The following CA10 variants were observed in gnomAD, a reference collection of about 807,000 sequenced individuals.
CA10 encodes carbonic anhydrase-related protein 10.
CA10 carries 14 observed loss-of-function variants against 44.2 expected under a neutral mutation model. That is an observed-to-expected ratio of 0.32 (90% CI 0.21 to 0.50). The LOEUF (loss-of-function observed/expected upper bound fraction) is 0.50. Ranked by LOEUF, CA10 falls within the 20% of genes least tolerant of loss-of-function variation. The probability of loss-of-function intolerance (pLI) is 0.99; values close to 1 mark genes in which losing one functional copy is unlikely to be tolerated. For missense variants in CA10, 350 were observed against 409.7 expected, an observed-to-expected ratio of 0.85 and a Z score of 1.26; for synonymous variants, 159 against 141.6, an observed-to-expected ratio of 1.12 and a Z score of -0.87.
chr17:51,755,287 G>A lies in CA10; in HGVS notation c.280-7469C>T, dbSNP rs564066103. ...AACTCATATTTTGAGATAACAAAGAGGAAGAGGTATATCTTTTTATAAAGA... is the reference window on the plus strand; with the variant it reads ...AACTCATATTTTGAGATAACAAAGAAGAAGAGGTATATCTTTTTATAAAGA... On this transcript the variant is annotated intron_variant, in intron 3 of 8. Coordinates refer to ENST00000451037, the MANE Select transcript of CA10 (RefSeq NM_020178.5). 8.5e-5 allele frequency among the ~76,000 whole-genome samples: 13 copies of A among 152,326 alleles called. 1 individual carries two copies. In the South Asian group the frequency reaches 2.7e-3, roughly 32 times the overall value.
At chr17:52,019,918 A>G (rs1450518585) in intron 2 of CA10, among the ~76,000 whole-genome samples, 2 of 151,808 alleles carry the variant, frequency 1.3e-5, no homozygotes, top group Non-Finnish European at 2.9e-5. Flanking sequence ...ATACATATAT[A>G]TATGTATATG....
At chr17:51,644,270 G>T (rs887412775) in intron 6 of CA10, among the ~76,000 whole-genome samples, 3 of 151,388 alleles carry the variant, frequency 2.0e-5, no homozygotes, top group Admixed American at 2.0e-4. Context: ...ATTTCACCCC[G>T]CTGCCTCCAT....
rs1598053052 is a variant in CA10, at chr17:51,803,941, G to A, written c.280-56123C>T. On this transcript the variant is annotated intron_variant, in intron 3 of 8. Transcript: ENST00000451037. ...GTAGTAGTTAAGTGCATAGGCCCAG[G>A]AGCTGAGCTATTTGGTTCATGGTAT... Among the ~76,000 whole-genome samples the A allele has an allele frequency of 2.0e-5, 3 of 152,268 alleles. No homozygotes were observed. In the South Asian group the frequency reaches 6.2e-4, roughly 32 times the overall value.
chr17:51,729,985 G>A (rs1210199020), intron 4 of CA10, among the ~76,000 whole-genome samples: 1 of 152,174 alleles, frequency 6.6e-6, no homozygotes, highest in East Asian at 1.9e-4. Context: ...ACTGAGGCAG[G>A]GAGTGGTAAA....
intron 3 of CA10, among the ~76,000 whole-genome samples, chr17:51,770,078 C>G (rs1017670107): frequency 9.3e-5 from 14 of 150,860 alleles, no homozygotes; most frequent in African/African-American, 3.2e-4. Flanking sequence ...CTCTGTTGCT[C>G]TTTTATAGGA....
chr17:51,886,079 A>G (rs1011775184), intron 3 of CA10, among the ~76,000 whole-genome samples: 1 of 152,212 alleles, frequency 6.6e-6, no homozygotes, highest in Non-Finnish European at 1.5e-5. Context: ...TCAGGAGGAC[A>G]AAAAACTGGA....
chr17:52,057,761 A>G (rs1987270496), intron 2 of CA10, among the ~76,000 whole-genome samples: 1 of 152,126 alleles, frequency 6.6e-6, no homozygotes, highest in Admixed American at 6.6e-5. Flanking sequence ...GCACCTGGGG[A>G]TAATAAAAAG....
rs1567854687 is a variant in CA10 at position 51,831,733 on chromosome 17, A to AGCAGCAGCAGCAGCAGCAGCAGCAGC, written c.280-83916_280-83915insGCTGCTGCTGCTGCTGCTGCTGCTGC. Among the ~76,000 whole-genome samples, 56 of 121,564 alleles carry AGCAGCAGCAGCAGCAGCAGCAGCAGC rather than the reference A, an allele frequency of 4.6e-4. 7 individuals are homozygous for AGCAGCAGCAGCAGCAGCAGCAGCAGC. Among genetic ancestry groups the AGCAGCAGCAGCAGCAGCAGCAGCAGC allele is most frequent in the South Asian group, 1.3e-3 (5 of 3,936 alleles). The allele number at this position is 121,564 out of a possible 152,430, so 79.8% of individuals were successfully genotyped here. On this transcript the variant is annotated intron_variant, in intron 3 of 8. Coordinates refer to ENST00000451037, the MANE Select transcript of CA10 (RefSeq NM_020178.5). ...GCAGCAGCAGCAGCAGCAGCAGCAG[A>AGCAGCAGCAGCAGCAGCAGCAGCAGC]AAAAGACCTTCCTTCCACCTTATTT...
chr17:51,978,905 T>C (rs75803515), intron 2 of CA10, among the ~76,000 whole-genome samples: 1,846 of 152,196 alleles, frequency 0.012, 29 homozygotes, highest in African/African-American at 0.042. Flanking sequence ...TTCCTTTCCA[T>C]AGTAACTCAG....
chr17:52,006,809 G>T (rs114746496), intron 2 of CA10, among the ~76,000 whole-genome samples: 267 of 151,684 alleles, frequency 1.8e-3, no homozygotes, highest in African/African-American at 6.1e-3. Context: ...GTGATTCTTG[G>T]ACCCTCTTGG....
chr17:51,803,218 C>T (rs1907004022), intron 3 of CA10, among the ~76,000 whole-genome samples: 1 of 152,142 alleles, frequency 6.6e-6, no homozygotes, highest in Non-Finnish European at 1.5e-5. Flanking sequence ...GGGTTTCTGC[C>T]TTGAGAAGCT....
At chr17:51,883,372 C>T (rs916074898) in intron 3 of CA10, among the ~76,000 whole-genome samples, 1 of 152,106 alleles carries the variant, frequency 6.6e-6, no homozygotes, top group African/African-American at 2.4e-5. Context: ...GCTTTTATTA[C>T]TCCATTTCTT....
intron 3 of CA10, among the ~76,000 whole-genome samples, chr17:51,901,902 G>A (rs954837121): frequency 3.1e-4 from 47 of 152,138 alleles, no homozygotes; most frequent in African/African-American, 1.1e-3. Context: ...GTTACCAAGA[G>A]TTTAAAATAA....
intron 3 of CA10, among the ~76,000 whole-genome samples, chr17:51,898,982 G>C (rs753152875): frequency 1.3e-5 from 2 of 150,980 alleles, no homozygotes; most frequent in Non-Finnish European, 3.0e-5. Flanking sequence ...AATCTTATTT[G>C]TTCTTTCAAA....
intron 3 of CA10, among the ~76,000 whole-genome samples, chr17:51,885,550 C>A (rs555788014): frequency 1.3e-5 from 2 of 152,334 alleles, no homozygotes; most frequent in Non-Finnish European, 2.9e-5. Flanking sequence ...CTAAGACCAG[C>A]TCAGTTCTCA....
At chr17:52,029,816 T>C (rs764587667) in intron 2 of CA10, among the ~76,000 whole-genome samples, 35 of 151,944 alleles carry the variant, frequency 2.3e-4, no homozygotes, top group Non-Finnish European at 3.7e-4. Flanking sequence ...TCCTTAGCCA[T>C]ATGTTTCATT....
chr17:51,797,435 G>A (rs762714644), intron 3 of CA10, among the ~76,000 whole-genome samples: 5 of 152,080 alleles, frequency 3.3e-5, no homozygotes, highest in South Asian at 2.1e-4. Flanking sequence ...GAATCCAGTC[G>A]TTCTTAAACT....
chr17:51,894,266 A>G (rs1377243957), intron 3 of CA10, among the ~76,000 whole-genome samples: 1 of 152,134 alleles, frequency 6.6e-6, no homozygotes, highest in Admixed American at 6.6e-5. Context: ...GACCTGAAAG[A>G]GCTGTCCCGT....
intron 3 of CA10, among the ~76,000 whole-genome samples, chr17:51,896,845 G>A (rs1981090435): frequency 6.6e-6 from 1 of 152,092 alleles, no homozygotes; most frequent in Non-Finnish European, 1.5e-5. Context: ...GTGATGTTGA[G>A]CATTTTTTCA....
Sources: gnomAD v4.1 joint callset for allele counts (sites outside exome capture counted in the v4.1 genomes callset) on GRCh38, gnomAD v4.1.1 for gene constraint, MANE v1.5 for transcripts, NCBI Gene and HGNC (gene_info 2026-07-23, HGNC 2026-07-21) for gene names.